The following KHDRBS2 variants were observed in gnomAD, a reference collection of about 807,000 sequenced individuals.
KHDRBS2 encodes the protein KH RNA binding domain containing, signal transduction associated 2.
KHDRBS2 carries 26 observed loss-of-function variants against 44.3 expected under a neutral mutation model. The ratio of observed to expected loss-of-function variants is 0.59; its 90% confidence interval spans 0.43 to 0.81. The LOEUF (loss-of-function observed/expected upper bound fraction) is 0.81, where lower values mean the gene tolerates loss of function less well. Among genes scored for constraint, KHDRBS2 ranks in the 40% least tolerant of loss-of-function variants. KHDRBS2 has a pLI of 0.00. For missense variants in KHDRBS2, 476 were observed against 433.1 expected, an observed-to-expected ratio of 1.10 and a Z score of -0.88; for synonymous variants, 194 against 151.1, an observed-to-expected ratio of 1.28 and a Z score of -2.08.
At chr6:62,248,977 T>C (rs1836080585) in intron 1 of KHDRBS2, among the ~76,000 whole-genome samples, 1 of 152,162 alleles carries the variant, frequency 6.6e-6, no homozygotes, top group African/African-American at 2.4e-5. Flanking sequence ...ATATTAAATG[T>C]AATATTTTGG....
chr6:62,130,768 A>T (rs928645234), intron 2 of KHDRBS2, among the ~76,000 whole-genome samples: 5 of 152,084 alleles, frequency 3.3e-5, no homozygotes, highest in African/African-American at 1.2e-4. Context: ...CACTTACATT[A>T]GACTACAGTT....
intron 7 of KHDRBS2, among the ~76,000 whole-genome samples, chr6:61,721,416 G>A (rs1772515786): frequency 6.6e-6 from 1 of 151,110 alleles, no homozygotes; most frequent in African/African-American, 2.4e-5. Context: ...CATGAGCATG[G>A]AATGTTCTTC....
intron 8 of KHDRBS2, among the ~76,000 whole-genome samples, chr6:61,689,930 C>G (rs1767209929): frequency 6.6e-6 from 1 of 151,942 alleles, no homozygotes; most frequent in Admixed American, 6.6e-5. Context: ...GTAATTCAAA[C>G]TCCTTGGTGG....
intron 2 of KHDRBS2, among the ~76,000 whole-genome samples, chr6:62,122,470 T>C (rs1807893592): frequency 6.6e-6 from 1 of 152,102 alleles, no homozygotes; most frequent in African/African-American, 2.4e-5. Flanking sequence ...CATTCCGTCA[T>C]CAAATGGAAG....
chr6:61,574,421 C>A, the KHDRBS2 span: 4 of 1,502,152 alleles, frequency 2.7e-6, no homozygotes, highest in Non-Finnish European at 2.7e-6. Context: ...GACGAGAAGA[C>A]CATATGGAGC....
chr6:61,808,907 G>T (rs532556785), intron 6 of KHDRBS2, among the ~76,000 whole-genome samples: 2 of 151,660 alleles, frequency 1.3e-5, no homozygotes, highest in South Asian at 2.1e-4. Context: ...ATAAAGGGAA[G>T]AAAAAAGTAG....
the KHDRBS2 span, among the ~76,000 whole-genome samples, chr6:61,660,781 T>A: frequency 6.6e-6 from 1 of 151,804 alleles, no homozygotes; most frequent in Admixed American, 6.6e-5. Context: ...GAACTTCTCC[T>A]CTAATAAAAA....
rs76505388 is a variant in KHDRBS2, at chr6:61,854,614, A to G, written c.810+40021T>C. Among the ~76,000 whole-genome samples the G allele has an allele frequency of 4.3e-4, 65 of 152,268 alleles. 1 individual carries two copies. Among genetic ancestry groups the G allele is most frequent in the African/African-American group, 1.5e-3 (64 of 41,544 alleles). ...ATCTCACTCACTATTTTACGCCTAC[A>G]ACTTGTTTTAATCAAAACTTGATCT... On this transcript the variant is annotated intron_variant, in intron 6 of 8. Transcript: ENST00000281156.
chr6:61,972,848 G>A (rs1271299848), intron 4 of KHDRBS2, among the ~76,000 whole-genome samples: 1 of 152,122 alleles, frequency 6.6e-6, no homozygotes, highest in East Asian at 1.9e-4. Flanking sequence ...ATATTCACCT[G>A]CATAAAAGAC....
At chr6:62,117,709 A>G (rs1267172979) in intron 2 of KHDRBS2, among the ~76,000 whole-genome samples, 2 of 151,918 alleles carry the variant, frequency 1.3e-5, no homozygotes, top group Admixed American at 1.3e-4. Flanking sequence ...TGTTTTTCCA[A>G]TATTTTCTTC....
At chr6:61,699,727 A>C (rs1464604502) in intron 7 of KHDRBS2, among the ~76,000 whole-genome samples, 1 of 152,080 alleles carries the variant, frequency 6.6e-6, no homozygotes, top group African/African-American at 2.4e-5. Flanking sequence ...AGAGATAAAA[A>C]GAGGGGCAGA....
intron 2 of KHDRBS2, among the ~76,000 whole-genome samples, chr6:62,173,597 G>GA (rs1820506304): frequency 6.6e-6 from 1 of 151,900 alleles, no homozygotes; most frequent in African/African-American, 2.4e-5. Context: ...CCAAAACCTG[G>GA]AAGAGACACA....
At chr6:61,992,951 G>A (rs957592732) in intron 3 of KHDRBS2, among the ~76,000 whole-genome samples, 2 of 152,048 alleles carry the variant, frequency 1.3e-5, no homozygotes, top group Admixed American at 1.3e-4. Context: ...TGTAAGAGAC[G>A]GCGTATATGG....
chr6:62,236,418 A>C (rs1833715506), intron 1 of KHDRBS2, among the ~76,000 whole-genome samples: 1 of 152,012 alleles, frequency 6.6e-6, no homozygotes, highest in Non-Finnish European at 1.5e-5. Context: ...CTACCAGAGA[A>C]TTAGAGGGTT....
the KHDRBS2 span, among the ~76,000 whole-genome samples, chr6:61,586,129 T>G: frequency 1.3e-5 from 2 of 152,188 alleles, no homozygotes; most frequent in South Asian, 2.1e-4. Flanking sequence ...AACCTTTGGA[T>G]TTTTTAGTTA....
chr6:61,764,639 C>T (rs1236997930), intron 6 of KHDRBS2, among the ~76,000 whole-genome samples: 6 of 152,006 alleles, frequency 3.9e-5, no homozygotes, highest in Admixed American at 3.3e-4. Flanking sequence ...TGATATCGAG[C>T]TTTTTTTCAT....
chr6:62,125,977 A>T (rs1169679012), intron 2 of KHDRBS2, among the ~76,000 whole-genome samples: 1 of 152,152 alleles, frequency 6.6e-6, no homozygotes, highest in Non-Finnish European at 1.5e-5. Flanking sequence ...AGAGTAAAGG[A>T]GACTTTGTCT....
intron 4 of KHDRBS2, among the ~76,000 whole-genome samples, chr6:61,935,274 T>C (rs1207309758): frequency 6.6e-6 from 1 of 152,162 alleles, no homozygotes; most frequent in African/African-American, 2.4e-5. Flanking sequence ...ATGAAAGATG[T>C]TTAAAGCTCA....
At chr6:62,097,741 C>T (rs560545368) in intron 2 of KHDRBS2, among the ~76,000 whole-genome samples, 1 of 152,140 alleles carries the variant, frequency 6.6e-6, no homozygotes, top group Non-Finnish European at 1.5e-5. Flanking sequence ...CTAAGTAAGG[C>T]CTTACTACTG....
Sources: gnomAD v4.1 joint callset for allele counts (sites outside exome capture counted in the v4.1 genomes callset) on GRCh38, gnomAD v4.1.1 for gene constraint, MANE v1.5 for transcripts, NCBI Gene and HGNC (gene_info 2026-07-23, HGNC 2026-07-21) for gene names.